Variants in ANKRD30A observed in about 807,000 individuals in gnomAD.
The protein encoded by ANKRD30A is ankyrin repeat domain-containing protein 30A.
A neutral mutation model predicts 166.3 loss-of-function variants in ANKRD30A; 170 were observed. That is an observed-to-expected ratio of 1.02 (90% CI 0.90 to 1.16). The LOEUF is 1.16. Ranked by LOEUF, ANKRD30A falls within the 50% of genes most tolerant of loss-of-function variation. The pLI, the probability that ANKRD30A is intolerant of heterozygous loss-of-function variation, is 0.00. For missense variants in ANKRD30A, 1,630 were observed against 1,518.0 expected (o/e 1.07, Z -1.23); for synonymous variants, 564 against 508.9 (o/e 1.11, Z -1.46).
At chr10:37,193,802 A>T (rs1326875420) in intron 27 of ANKRD30A, among the ~76,000 whole-genome samples, 1 of 152,126 alleles carries the variant, frequency 6.6e-6, no homozygotes, top group Non-Finnish European at 1.5e-5. Flanking sequence ...ACCCCAAAGC[A>T]TTTGGCCTTG....
In ANKRD30A at chr10:37,134,042, T is replaced by TG; in HGVS notation, c.746dup (p.Phe250IlefsTer6). On this transcript the variant is annotated frameshift_variant, in exon 5 of 36. Coordinates refer to ENST00000361713, the MANE Select transcript of ANKRD30A (RefSeq NM_052997.3). LOFTEE classifies it high-confidence loss of function. ...CTGCAGAACATTATGCTGTTACTTG[T>TG]GGATTTCATCAGTAAGTGTTTACGT... 2.5e-6 allele frequency: 4 copies of TG among 1,613,972 alleles called. No individual in the cohort carries two copies. The South Asian group carries it at 4.4e-5, about 18-fold the overall frequency.
intron 31 of ANKRD30A, among the ~76,000 whole-genome samples, chr10:37,213,741 T>G (rs748473326): frequency 2.0e-5 from 3 of 151,656 alleles, no homozygotes; most frequent in Non-Finnish European, 4.4e-5. Context: ...TTCCTTTTTA[T>G]TATTTTTGAA....
Position 37,197,581 on chromosome 10 carries a change from T to A in ANKRD30A, c.2716+101T>A, listed in dbSNP as rs200758592. 5.0e-4 allele frequency: 786 copies of A among 1,557,694 alleles called. 1 individual carries two copies. The East Asian group carries it at 6.5e-3, about 13-fold the overall frequency. Reference sequence around the variant, plus strand: ...GCTTTATTTTTTTCAACTTTGATGATAAGTTTTGATCTAGGTAATGCCAAT... The same window carrying A: ...GCTTTATTTTTTTCAACTTTGATGAAAAGTTTTGATCTAGGTAATGCCAAT... On this transcript the variant is annotated intron_variant, in intron 29 of 35. Transcript: ENST00000361713.
chr10:37,231,527 A>G lies in ANKRD30A; in HGVS notation c.*58A>G. 6.7e-7 allele frequency: 1 copy of G among 1,485,894 alleles called. No homozygotes were observed. Among genetic ancestry groups the G allele is most frequent in the South Asian group, 1.3e-5 (1 of 75,902 alleles). The allele number at this position is 1,485,894 out of a possible 1,614,324, so 92.0% of individuals were successfully genotyped here. A position where few individuals can be genotyped will look rare whatever the true frequency, so the allele number is the denominator to read the frequency against. ...ACAACAGACCAGATCTTTACTCACAACTCATGCTAGGAGGCCAGTCCTAGC... is the reference window on the plus strand; with the variant it reads ...ACAACAGACCAGATCTTTACTCACAGCTCATGCTAGGAGGCCAGTCCTAGC... On this transcript the variant is annotated 3_prime_UTR_variant, in exon 35 of 36. Transcript: ENST00000361713.
chr10:37,189,940 G>C (rs1208603323), intron 25 of ANKRD30A, among the ~76,000 whole-genome samples: 1 of 151,748 alleles, frequency 6.6e-6, no homozygotes, highest in African/African-American at 2.4e-5. Context: ...GGAAAAGATC[G>C]GGTATGGTTA....
the ANKRD30A span, chr10:37,248,175 G>A: frequency 1.6e-6 from 1 of 635,638 alleles, no homozygotes; most frequent in Non-Finnish European, 3.1e-6. Flanking sequence ...TTGCACTCGG[G>A]AGAGCATGCT....
At chr10:37,216,975 A>C (rs1490626668) in intron 32 of ANKRD30A, among the ~76,000 whole-genome samples, 6 of 151,060 alleles carry the variant, frequency 4.0e-5, no homozygotes, top group African/African-American at 1.2e-4. Context: ...ATAATTTATT[A>C]GTTTATTCAA....
At chr10:37,167,287 A>AATATATATATATATATATATATAT (rs61480898) in intron 19 of ANKRD30A, among the ~76,000 whole-genome samples, 3 of 126,702 alleles carry the variant, frequency 2.4e-5, no homozygotes, top group Admixed American at 7.3e-5. Flanking sequence ...TGAGGCGTCA[A>AATATATATATATATATATATATAT]ATATATATAT....
rs778569717 is a variant in ANKRD30A, at chr10:37,219,107, A to T, written c.3395A>T (p.Tyr1132Phe). 11 of 1,609,672 alleles carry T rather than the reference A, an allele frequency of 6.8e-6. No individual in the cohort carries two copies. The highest frequency in any genetic ancestry group is 9.3e-6 in the Non-Finnish European group (11 of 1,176,990). ...CAATACCAGGAAAAGGAAAATAAATACTTTGAGGACATTAAGATTTTAAAA... is the reference window on the plus strand; with the variant it reads ...CAATACCAGGAAAAGGAAAATAAATTCTTTGAGGACATTAAGATTTTAAAA... ...KHQYQEKENK[Y>F]FEDIKILKEK... Residue 1132 changes from tyrosine (Y) to phenylalanine (F), a missense_variant, in exon 34 of 36, where the codon TAC becomes TTC. Physicochemically the swap from Tyr to Phe is conservative, Grantham distance 22. Transcript: ENST00000361713.
At chr10:37,264,408 C>T in the ANKRD30A span, 164,769 of 168,862 alleles carry the variant, frequency 0.98, 80,517 homozygotes, top group Middle Eastern at 1. Flanking sequence ...AAGCTATGAG[C>T]CATGAGAATC....
intron 6 of ANKRD30A, 45 bp from the exon 7 acceptor site, chr10:37,141,673 G>A: frequency 6.2e-7 from 1 of 1,601,918 alleles, no homozygotes. Context: ...TCAGGAGGAT[G>A]ATATTTAGTA....
In ANKRD30A at chr10:37,219,856, A is replaced by C. The variant is rs759358580; in HGVS notation, c.4144A>C (p.Asn1382His). The change falls in exon 34 of 36, where the codon AAC (asparagine) becomes CAC (histidine). Residue 1382 changes from asparagine to histidine, a missense_variant. Coordinates refer to ENST00000361713, the MANE Select transcript of ANKRD30A (RefSeq NM_052997.3). Reference protein sequence around the residue: ...EIFNYNNHLKNRIYQYEKEKA... With the variant: ...EIFNYNNHLKHRIYQYEKEKA... ...ATTTAATTACAATAACCATTTAAAA[A>C]ACCGTATATATCAATATGAAAAAGA... is the stretch of plus-strand genomic sequence containing the variant. 65 of 1,574,320 alleles carry C rather than the reference A, an allele frequency of 4.1e-5. No homozygotes were observed. The highest frequency in any genetic ancestry group is 5.6e-5 in the Non-Finnish European group (65 of 1,158,706).
At chr10:37,212,550 C>T (rs187843333) in intron 31 of ANKRD30A, among the ~76,000 whole-genome samples, 32 of 152,080 alleles carry the variant, frequency 2.1e-4, no homozygotes, top group East Asian at 9.7e-4. Context: ...AAAAAGAGCC[C>T]GCATTGTCAA....
chr10:37,147,259 A>G (rs1451232156), intron 8 of ANKRD30A, 111 bp from the exon 9 acceptor site: 1 of 817,806 alleles, frequency 1.2e-6, no homozygotes, highest in African/African-American at 1.8e-5. Flanking sequence ...GCCTATCCTC[A>G]AATCAAATTG....
chr10:37,148,708 A>G (rs998901355), intron 9 of ANKRD30A, among the ~76,000 whole-genome samples: 1 of 152,044 alleles, frequency 6.6e-6, no homozygotes, highest in South Asian at 2.1e-4. Context: ...CTATGTTACA[A>G]TCAGGCATGA....
chr10:37,227,341 T>C (rs1348560846), intron 34 of ANKRD30A, among the ~76,000 whole-genome samples: 2 of 151,954 alleles, frequency 1.3e-5, no homozygotes, highest in East Asian at 3.9e-4. Flanking sequence ...ACTTTTTTCT[T>C]TTGCATATGG....
downstream of ANKRD30A, among the ~76,000 whole-genome samples, chr10:37,237,530 G>T (rs974502249): frequency 6.6e-6 from 1 of 151,974 alleles, no homozygotes; most frequent in Non-Finnish European, 1.5e-5. Context: ...TTGTTTATGC[G>T]AGAGCCTTGC....
chr10:37,130,478 T>A, intron 3 of ANKRD30A, 100 bp downstream of exon 3: 1 of 925,160 alleles, frequency 1.1e-6, no homozygotes, highest in Non-Finnish European at 1.5e-6. Flanking sequence ...AAACATTCCT[T>A]GAATGAAAAT....
chr10:37,242,524 C>A, the ANKRD30A span, among the ~76,000 whole-genome samples: 1 of 152,092 alleles, frequency 6.6e-6, no homozygotes, highest in South Asian at 2.1e-4. Context: ...AGTATGGATT[C>A]ATGGTTCATT....
Sources: gnomAD v4.1 joint callset for allele counts (sites outside exome capture counted in the v4.1 genomes callset) on GRCh38, gnomAD v4.1.1 for gene constraint, MANE v1.5 for transcripts, NCBI Gene and HGNC (gene_info 2026-07-23, HGNC 2026-07-21) for gene names.